Variants in CAMTA1 observed in about 807,000 individuals in gnomAD.
The protein encoded by CAMTA1 is calmodulin-binding transcription activator 1.
Under a neutral mutation model 170.9 loss-of-function variants are expected in CAMTA1, and 27 were observed. The observed-to-expected ratio is 0.16, with a 90% CI of 0.12 to 0.22. The LOEUF (loss-of-function observed/expected upper bound fraction) is 0.22, where lower values mean the gene tolerates loss of function less well. CAMTA1 is among the 10% of genes least tolerant of loss of function. CAMTA1 has a pLI of 1.00. For synonymous variants in CAMTA1, 833 were observed against 891.5 expected, an observed-to-expected ratio of 0.93 and a Z score of 1.17; for missense variants, 1,619 against 2,217.2, an observed-to-expected ratio of 0.73 and a Z score of 5.42.
chr1:7,215,421 T>C (rs1019613508), intron 4 of CAMTA1, among the ~76,000 whole-genome samples: 3 of 152,216 alleles, frequency 2.0e-5, no homozygotes, highest in African/African-American at 4.8e-5. Context: ...TGAGATGGAG[T>C]CTCACTCTGT....
chr1:7,493,285 G>GCA (rs138739262), intron 6 of CAMTA1, among the ~76,000 whole-genome samples: 90,116 of 143,506 alleles, frequency 0.63, 29,265 homozygotes, highest in African/African-American at 0.86. Flanking sequence ...ACATACACGC[G>GCA]CACAAACACA....
intron 5 of CAMTA1, among the ~76,000 whole-genome samples, chr1:7,347,103 T>G (rs1237588334): frequency 6.6e-6 from 1 of 152,144 alleles, no homozygotes; most frequent in Non-Finnish European, 1.5e-5. Context: ...CTATTTATGG[T>G]CAGGAGAGAT....
chr1:6,918,464 T>G lies in CAMTA1; in HGVS notation c.234+93254T>G, dbSNP rs1269038368. 1.3e-5 allele frequency among the ~76,000 whole-genome samples: 2 copies of G among 152,198 alleles called. No homozygotes were observed. Among genetic ancestry groups the G allele is most frequent in the Admixed American group, 1.3e-4 (2 of 15,278 alleles). On this transcript the variant is annotated intron_variant, in intron 3 of 22. Coordinates refer to ENST00000303635, the MANE Select transcript of CAMTA1 (RefSeq NM_015215.4). The surrounding 1 kb of genome is among the most constrained non-coding windows in gnomAD (Gnocchi z 4.0). ...GGCAGTAATAGAAAAGTCATTGGAA[T>G]AGAATGTTGTCACAGATAAATGTCT...
chr1:7,005,833 A>G (rs1020014505), intron 3 of CAMTA1, among the ~76,000 whole-genome samples: 1 of 152,250 alleles, frequency 6.6e-6, no homozygotes, highest in African/African-American at 2.4e-5. Context: ...CTTGAGTACC[A>G]AATGGATGCG....
At chr1:7,449,769 C>CAAAA (rs59913060) in intron 5 of CAMTA1, among the ~76,000 whole-genome samples, 36 of 79,432 alleles carry the variant, frequency 4.5e-4, no homozygotes, top group African/African-American at 1.3e-3. Flanking sequence ...GACTCGGTCT[C>CAAAA]AAAAAAAAAA....
At chr1:7,597,742 C>T (rs926908888) in intron 6 of CAMTA1, among the ~76,000 whole-genome samples, 1 of 152,078 alleles carries the variant, frequency 6.6e-6, no homozygotes, top group African/African-American at 2.4e-5. Flanking sequence ...TGCATAAGAC[C>T]TTCAATGATT....
chr1:6,808,102 G>A (rs1644734104), intron 1 of CAMTA1, among the ~76,000 whole-genome samples: 1 of 151,978 alleles, frequency 6.6e-6, no homozygotes, highest in African/African-American at 2.4e-5. Context: ...CAGGGAGTGG[G>A]TGGAATTCAT....
At chr1:7,759,454 T>C (rs538466454) in intron 22 of CAMTA1, among the ~76,000 whole-genome samples, 20 of 152,320 alleles carry the variant, frequency 1.3e-4, no homozygotes, top group African/African-American at 4.3e-4. Context: ...TCTTAATTTA[T>C]CCAGTAACTT....
At chr1:7,406,637 C>T (rs986211330) in intron 5 of CAMTA1, among the ~76,000 whole-genome samples, 1 of 152,016 alleles carries the variant, frequency 6.6e-6, no homozygotes, top group Admixed American at 6.5e-5. Context: ...CAGACACACA[C>T]GAGCACACAC....
At chr1:6,943,468 C>G (rs12093436) in intron 3 of CAMTA1, among the ~76,000 whole-genome samples, 2 of 152,198 alleles carry the variant, frequency 1.3e-5, no homozygotes, top group African/African-American at 4.8e-5. Flanking sequence ...CATTTCCCAA[C>G]TCTGCCCTTT....
intron 4 of CAMTA1, among the ~76,000 whole-genome samples, chr1:7,121,074 C>A (rs1644613359): frequency 6.6e-6 from 1 of 152,192 alleles, no homozygotes; most frequent in South Asian, 2.1e-4. Context: ...CTGGTGGCCA[C>A]AAATGGAGGA....
intron 12 of CAMTA1, among the ~76,000 whole-genome samples, chr1:7,735,793 A>C (rs1367579680): frequency 6.6e-6 from 1 of 151,966 alleles, no homozygotes; most frequent in Non-Finnish European, 1.5e-5. Context: ...GTTTTTTGAG[A>C]CAAGGTCTTG....
At chr1:7,380,058 A>G (rs1200334021) in intron 5 of CAMTA1, among the ~76,000 whole-genome samples, 2 of 152,252 alleles carry the variant, frequency 1.3e-5, no homozygotes, top group Non-Finnish European at 1.5e-5. Flanking sequence ...GTCTGCAGGA[A>G]CATTGCTAGA....
intron 11 of CAMTA1, among the ~76,000 whole-genome samples, chr1:7,683,083 G>A: frequency 6.6e-6 from 1 of 151,846 alleles, no homozygotes; most frequent in East Asian, 1.9e-4. Context: ...GCTGAGGCAG[G>A]AGAATGGCTT....
chr1:7,739,368 C>T (rs962358226), intron 16 of CAMTA1, among the ~76,000 whole-genome samples: 8 of 152,122 alleles, frequency 5.3e-5, no homozygotes, highest in Non-Finnish European at 1.0e-4. Flanking sequence ...TCCCAGGGAC[C>T]CCTTCATGCC....
chr1:7,741,049 T>A (rs1257062553), intron 16 of CAMTA1, among the ~76,000 whole-genome samples: 1 of 152,256 alleles, frequency 6.6e-6, no homozygotes, highest in East Asian at 1.9e-4. Context: ...GTGTGGTATA[T>A]GTGAGAGGAA....
chr1:7,199,600 C>A (rs999392646), intron 4 of CAMTA1, among the ~76,000 whole-genome samples: 3 of 152,154 alleles, frequency 2.0e-5, no homozygotes, highest in African/African-American at 7.2e-5. Flanking sequence ...CAGCGGTGGG[C>A]ACGCCCAGCC....
intron 6 of CAMTA1, among the ~76,000 whole-genome samples, chr1:7,549,213 TA>T (rs1411556447): frequency 2.7e-5 from 4 of 148,222 alleles, no homozygotes; most frequent in Non-Finnish European, 4.5e-5. Flanking sequence ...GGTGCCCCCT[TA>T]GGGGTGGAGG....
chr1:7,743,776 C>A (rs1312900902), intron 16 of CAMTA1, among the ~76,000 whole-genome samples: 1 of 151,892 alleles, frequency 6.6e-6, no homozygotes, highest in Non-Finnish European at 1.5e-5. Flanking sequence ...CTCTGATTCT[C>A]ATAAAGAATA....
Sources: gnomAD v4.1 joint callset for allele counts (sites outside exome capture counted in the v4.1 genomes callset) on GRCh38, gnomAD v4.1.1 for gene constraint, Gnocchi (gnomAD v3.1) non-coding constraint, MANE v1.5 for transcripts, NCBI Gene and HGNC (gene_info 2026-07-23, HGNC 2026-07-21) for gene names.